DLGAP1: variants seen among roughly 807,000 people sequenced by gnomAD.
DLGAP1 encodes disks large-associated protein 1.
Under a neutral mutation model 90.8 loss-of-function variants are expected in DLGAP1, and 11 were observed. The ratio of observed to expected loss-of-function variants is 0.12; its 90% CI spans 0.08 to 0.20. DLGAP1 has a LOEUF of 0.20. Ranked by LOEUF, DLGAP1 falls within the 10% of genes least tolerant of loss-of-function variation. The probability of loss-of-function intolerance (pLI) is 1.00; values close to 1 mark genes in which losing one functional copy is unlikely to be tolerated. For missense variants in DLGAP1, 1,050 were observed against 1,333.8 expected (o/e 0.79, Z 3.31); for synonymous variants, 558 against 540.7 (o/e 1.03, Z -0.44).
At chr18:3,772,341 TCTC>T (rs1327224886) in intron 5 of DLGAP1, among the ~76,000 whole-genome samples, 2,684 of 58,268 alleles carry the variant, frequency 0.046, 129 homozygotes, top group Non-Finnish European at 0.056. Context: ...CTTCTCTCTC[TCTC>T]TCTCTTTCTT....
At chr18:4,023,968 A>C (rs1447921798) in intron 2 of DLGAP1, among the ~76,000 whole-genome samples, 1 of 152,066 alleles carries the variant, frequency 6.6e-6, no homozygotes, top group African/African-American at 2.4e-5. Context: ...TTTTTTGTAA[A>C]GTTTATGTAT....
At chr18:4,178,544 G>T (rs952034194) in intron 1 of DLGAP1, among the ~76,000 whole-genome samples, 1 of 152,084 alleles carries the variant, frequency 6.6e-6, no homozygotes, top group Admixed American at 6.6e-5. Flanking sequence ...TTCAGAAATA[G>T]AATAAGGTGC....
At chr18:4,373,036 C>T (rs941491097) in intron 1 of DLGAP1, among the ~76,000 whole-genome samples, 14 of 152,124 alleles carry the variant, frequency 9.2e-5, no homozygotes, top group Admixed American at 8.5e-4. Context: ...TGGGGGTGCA[C>T]GGGTGATGGT....
chr18:3,581,234 G>A (rs2145375451), intron 8 of DLGAP1, among the ~76,000 whole-genome samples: 1 of 152,330 alleles, frequency 6.6e-6, no homozygotes, highest in African/African-American at 2.4e-5. Flanking sequence ...CAGTCCCTCT[G>A]GGAGAGCTCT....
At chr18:4,296,141 C>T (rs374616333) in intron 1 of DLGAP1, among the ~76,000 whole-genome samples, 97 of 152,314 alleles carry the variant, frequency 6.4e-4, no homozygotes, top group South Asian at 4.1e-3. Context: ...TCTAGCCACA[C>T]ATTATGGCCC....
In DLGAP1 at chr18:4,040,438, T is replaced by A. The variant is rs1256623880; in HGVS notation, c.-158-35237A>T. ...AAATTTAATGGATGGCCCTTTCTTA[T>A]ACAATTACGAAACATTCATCCATAA... On this transcript the variant is annotated intron_variant, in intron 2 of 12. Coordinates refer to ENST00000315677, the MANE Select transcript of DLGAP1 (RefSeq NM_004746.4). Among the ~76,000 whole-genome samples the A allele has an allele frequency of 2.0e-5, 3 of 152,222 alleles. No individual in the cohort carries two copies. The East Asian group carries it at 5.8e-4, about 29-fold the overall frequency.
At chr18:3,967,643 G>C (rs564141790) in intron 3 of DLGAP1, among the ~76,000 whole-genome samples, 1 of 152,196 alleles carries the variant, frequency 6.6e-6, no homozygotes, top group Non-Finnish European at 1.5e-5. Context: ...AGTCTCTAAA[G>C]AGAAAGTGTA....
intron 2 of DLGAP1, among the ~76,000 whole-genome samples, chr18:4,131,589 G>A (rs1475552714): frequency 1.3e-5 from 2 of 152,088 alleles, no homozygotes; most frequent in Non-Finnish European, 2.9e-5. Flanking sequence ...TTTGATCCAC[G>A]AGATGAGGTC....
intron 2 of DLGAP1, among the ~76,000 whole-genome samples, chr18:4,102,687 T>C (rs1273165702): frequency 6.6e-6 from 1 of 152,156 alleles, no homozygotes; most frequent in Non-Finnish European, 1.5e-5. Flanking sequence ...TTCTCTTTAA[T>C]TTTGGAGCTA....
At chr18:3,699,465 C>T (rs930840416) in intron 7 of DLGAP1, among the ~76,000 whole-genome samples, 4 of 152,144 alleles carry the variant, frequency 2.6e-5, no homozygotes, top group African/African-American at 9.7e-5. Flanking sequence ...GTATCACCAG[C>T]GGAGGCTGCA....
At chr18:4,232,154 C>T (rs946913838) in intron 1 of DLGAP1, among the ~76,000 whole-genome samples, 2 of 152,080 alleles carry the variant, frequency 1.3e-5, no homozygotes, top group Non-Finnish European at 2.9e-5. Flanking sequence ...AGCATAAAAC[C>T]TACAAACTAT....
At chr18:3,762,632 C>T (rs1281715125) in intron 5 of DLGAP1, among the ~76,000 whole-genome samples, 1 of 151,982 alleles carries the variant, frequency 6.6e-6, no homozygotes, top group Admixed American at 6.6e-5. Flanking sequence ...TCTTCTAATC[C>T]CTATTGTCAA....
intron 6 of DLGAP1, among the ~76,000 whole-genome samples, chr18:3,741,097 C>CCAT (rs1568048348): frequency 2.1e-4 from 28 of 130,744 alleles, no homozygotes; most frequent in African/African-American, 8.3e-4. Context: ...ATCACCACCA[C>CCAT]CACCATCACC....
At chr18:3,504,414 C>T (rs1423630682) in intron 11 of DLGAP1, among the ~76,000 whole-genome samples, 3 of 152,078 alleles carry the variant, frequency 2.0e-5, no homozygotes, top group Non-Finnish European at 2.9e-5. Flanking sequence ...GACATAGCGT[C>T]GCTCTTGTCG....
chr18:3,991,903 C>T (rs549555530), intron 3 of DLGAP1, among the ~76,000 whole-genome samples: 9 of 152,230 alleles, frequency 5.9e-5, no homozygotes, highest in Admixed American at 2.0e-4. Context: ...TCGAAGACCA[C>T]GGAAACATGG....
At chr18:3,876,075 T>G (rs1033436246) in intron 4 of DLGAP1, among the ~76,000 whole-genome samples, 1 of 151,988 alleles carries the variant, frequency 6.6e-6, no homozygotes, top group Non-Finnish European at 1.5e-5. Context: ...CTCTCTGTTT[T>G]CCCAAATTTA....
chr18:4,451,681 CTG>C (rs1422550986), intron 1 of DLGAP1, among the ~76,000 whole-genome samples: 2 of 152,140 alleles, frequency 1.3e-5, no homozygotes, highest in African/African-American at 4.8e-5. Flanking sequence ...TTGAGGGACA[CTG>C]TAGTTATTCC....
chr18:4,059,089 C>A (rs2075263997), intron 2 of DLGAP1, among the ~76,000 whole-genome samples: 2 of 152,110 alleles, frequency 1.3e-5, no homozygotes, highest in South Asian at 4.1e-4. Flanking sequence ...AAGACCAGTA[C>A]ATTTCAAAAC....
intron 9 of DLGAP1, among the ~76,000 whole-genome samples, chr18:3,550,972 C>G (rs1180272403): frequency 6.6e-6 from 1 of 151,506 alleles, no homozygotes; most frequent in African/African-American, 2.4e-5. Context: ...AAACTCCTGA[C>G]CTCAGGTGAT....
Sources: gnomAD v4.1 joint callset for allele counts (sites outside exome capture counted in the v4.1 genomes callset) on GRCh38, gnomAD v4.1.1 for gene constraint, MANE v1.5 for transcripts, NCBI Gene and HGNC (gene_info 2026-07-23, HGNC 2026-07-21) for gene names.